The following GAN variants were observed in gnomAD, a reference collection of about 807,000 sequenced individuals.
GAN encodes gigaxonin, also known as epididymis secretory sperm binding protein.
In GAN, 48 loss-of-function variants were observed where a neutral mutation model predicts 71.3. The ratio of observed to expected loss-of-function variants is 0.67; its 90% CI spans 0.53 to 0.86. The LOEUF is 0.86. GAN is among the 40% of genes least tolerant of loss of function. The probability of loss-of-function intolerance (pLI) is 0.00; values close to 1 mark genes in which losing one functional copy is unlikely to be tolerated. For synonymous variants in GAN, 386 were observed against 276.8 expected (o/e 1.39, Z -3.92); for missense variants, 928 against 770.1 (o/e 1.21, Z -2.43).
At chr16:81,363,432 A>G (rs1331971288) in intron 6 of GAN, among the ~76,000 whole-genome samples, 2 of 152,124 alleles carry the variant, frequency 1.3e-5, no homozygotes, top group Non-Finnish European at 2.9e-5. Flanking sequence ...GCATTACCGG[A>G]GAAATGGTTT....
rs887581075 is a variant in GAN at position 81,384,445 on chromosome 16, G to A, written c.*6849G>A. The A allele has an allele frequency of 2.6e-5, 4 of 152,040 alleles. No individual in the cohort carries two copies. Among genetic ancestry groups the A allele is most frequent in the African/African-American group, 9.7e-5 (4 of 41,420 alleles). The allele number at this position is 152,040 out of a possible 1,614,324, so 9.4% of individuals were successfully genotyped here. A position where few individuals can be genotyped will look rare whatever the true frequency, so the allele number is the denominator to read the frequency against. On this transcript the variant is annotated 3_prime_UTR_variant, in exon 11 of 11. Transcript: ENST00000648994. ...AAGGCTGTTTTCATAATGCAGAAAA[G>A]TAGTCTATTTAAACGCCACTGCTGT...
At chr16:81,318,061 A>G (rs1307890544) in intron 1 of GAN, among the ~76,000 whole-genome samples, 1 of 152,192 alleles carries the variant, frequency 6.6e-6, no homozygotes, top group Non-Finnish European at 1.5e-5. Context: ...AAATTTGTTA[A>G]TTTTGTATTT....
chr16:81,328,710 T>G (rs1909472804), intron 1 of GAN, among the ~76,000 whole-genome samples: 1 of 151,830 alleles, frequency 6.6e-6, no homozygotes, highest in Non-Finnish European at 1.5e-5. Flanking sequence ...CTTCATCACT[T>G]TTGGAAATCA....
intron 9 of GAN, among the ~76,000 whole-genome samples, chr16:81,370,995 C>T (rs1911020743): frequency 6.6e-6 from 1 of 152,166 alleles, no homozygotes; most frequent in African/African-American, 2.4e-5. Flanking sequence ...ATTTTCATGA[C>T]CATTCAGTCT....
At chr16:81,365,528 T>C (rs1249880682) in intron 9 of GAN, 50 bp downstream of exon 9, 1 of 1,572,810 alleles carries the variant, frequency 6.4e-7, no homozygotes, top group South Asian at 1.1e-5. Context: ...CTTTGTGCTT[T>C]CAGTCGTATT....
Position 81,365,413 on chromosome 16 carries a change from T to G in GAN, c.1437T>G (p.Arg479=). 6.2e-7 allele frequency: 1 copy of G among 1,613,730 alleles called. No individual in the cohort carries two copies. Among genetic ancestry groups the G allele is most frequent in the Middle Eastern group, 1.7e-4 (1 of 6,060 alleles). Reference sequence around the variant, plus strand: ...ATGTGTTTGGGGGAGTCCGAAGTCGTGAGGACGCCCAGGGTAGCGAGATGG... The same window carrying G: ...ATGTGTTTGGGGGAGTCCGAAGTCGGGAGGACGCCCAGGGTAGCGAGATGG... ...ELYVFGGVRS[R]EDAQGSEMVT... Residue 479 remains arginine, a synonymous_variant, in exon 9 of 11, where the codon CGT becomes CGG. Coordinates refer to ENST00000648994, the MANE Select transcript of GAN (RefSeq NM_022041.4).
intron 9 of GAN, 115 bp downstream of exon 9, chr16:81,365,593 A>T (rs1262641748): frequency 1.1e-5 from 11 of 980,468 alleles, no homozygotes; most frequent in African/African-American, 3.2e-5. Flanking sequence ...GATTTAGGAG[A>T]TAACGTCTCA....
intron 1 of GAN, among the ~76,000 whole-genome samples, chr16:81,317,684 C>T (rs981965959): frequency 3.3e-5 from 5 of 152,246 alleles, no homozygotes; most frequent in African/African-American, 4.8e-5. Flanking sequence ...TTAATTACGG[C>T]TAACCGCCTT....
chr16:81,347,971 C>T (rs1045327251), intron 1 of GAN, among the ~76,000 whole-genome samples: 5 of 151,894 alleles, frequency 3.3e-5, no homozygotes, highest in African/African-American at 9.7e-5. Flanking sequence ...ACTGATCTTC[C>T]AGTTTTCTTA....
intron 9 of GAN, among the ~76,000 whole-genome samples, chr16:81,366,537 G>A (rs1369350928): frequency 1.3e-5 from 2 of 152,216 alleles, no homozygotes; most frequent in Admixed American, 6.5e-5. Context: ...AGAAGAGGGT[G>A]CCATAACATA....
At chr16:81,337,397 T>C (rs1027969294) in intron 1 of GAN, among the ~76,000 whole-genome samples, 2 of 152,346 alleles carry the variant, frequency 1.3e-5, no homozygotes, top group Middle Eastern at 3.4e-3. Context: ...GTTTCCTTGC[T>C]TTTATTGGAG....
At chr16:81,374,983 T>C (rs1904276441) in intron 9 of GAN, among the ~76,000 whole-genome samples, 1 of 108,546 alleles carries the variant, frequency 9.2e-6, no homozygotes, top group South Asian at 3.3e-4. Flanking sequence ...ATCATAGACC[T>C]AAATGTAAAA....
chr16:81,366,540 A>G (rs1245834380), intron 9 of GAN, among the ~76,000 whole-genome samples: 6 of 152,260 alleles, frequency 3.9e-5, no homozygotes, highest in Admixed American at 6.5e-5. Context: ...AGAGGGTGCC[A>G]TAACATAATG....
At chr16:81,323,148 C>T (rs1249347092) in intron 1 of GAN, among the ~76,000 whole-genome samples, 1 of 152,174 alleles carries the variant, frequency 6.6e-6, no homozygotes, top group Non-Finnish European at 1.5e-5. Flanking sequence ...GCTTCTCTTC[C>T]TTACATGAAA....
At chr16:81,367,146 C>G (rs1238598051) in intron 9 of GAN, among the ~76,000 whole-genome samples, 1 of 152,170 alleles carries the variant, frequency 6.6e-6, no homozygotes, top group Non-Finnish European at 1.5e-5. Flanking sequence ...CATATTTGTA[C>G]TGGATAAGCT....
At chr16:81,371,102 A>G (rs1911023368) in intron 9 of GAN, among the ~76,000 whole-genome samples, 1 of 152,006 alleles carries the variant, frequency 6.6e-6, no homozygotes, top group Admixed American at 6.6e-5. Flanking sequence ...TGAATTTTTT[A>G]TTTCAAATTT....
chr16:81,325,902 A>C (rs1329119236), intron 1 of GAN, among the ~76,000 whole-genome samples: 2 of 152,184 alleles, frequency 1.3e-5, no homozygotes, highest in Non-Finnish European at 2.9e-5. Flanking sequence ...CTGTCTGTGA[A>C]TATGTTTTGC....
At chr16:81,326,294 G>C (rs527296548) in intron 1 of GAN, among the ~76,000 whole-genome samples, 2 of 151,798 alleles carry the variant, frequency 1.3e-5, no homozygotes, top group South Asian at 4.2e-4. Context: ...GAAGCGGGCA[G>C]ATCACCTGAG....
chr16:81,344,180 T>C (rs1355603003), intron 1 of GAN, among the ~76,000 whole-genome samples: 1 of 152,196 alleles, frequency 6.6e-6, no homozygotes, highest in Non-Finnish European at 1.5e-5. Context: ...AAAATGGCCT[T>C]ACTGCCCAAA....
Sources: gnomAD v4.1 joint callset for allele counts (sites outside exome capture counted in the v4.1 genomes callset) on GRCh38, gnomAD v4.1.1 for gene constraint, MANE v1.5 for transcripts, NCBI Gene and HGNC (gene_info 2026-07-23, HGNC 2026-07-21) for gene names.